PTH2R: variants seen among roughly 807,000 people sequenced by gnomAD.
The protein encoded by PTH2R is parathyroid hormone 2 receptor.
In PTH2R, 59 loss-of-function variants were observed where a neutral mutation model predicts 60.3. That is an observed-to-expected ratio of 0.98 (90% CI 0.79 to 1.22). PTH2R has a LOEUF of 1.22. Ranked by LOEUF, PTH2R falls within the 50% of genes most tolerant of loss-of-function variation. The pLI, the probability that PTH2R is intolerant of heterozygous loss-of-function variation, is 0.00. For synonymous variants in PTH2R, 256 were observed against 243.8 expected (o/e 1.05, Z -0.47); for missense variants, 749 against 682.6 (o/e 1.10, Z -1.08).
At chr2:208,438,559 C>G (rs1702123353) in intron 4 of PTH2R, among the ~76,000 whole-genome samples, 2 of 152,032 alleles carry the variant, frequency 1.3e-5, no homozygotes, top group Admixed American at 1.3e-4. Flanking sequence ...TTGGGATATT[C>G]TAGAGAGTTG....
chr2:208,374,619 C>T (rs1370457065), intron 1 of PTH2R, among the ~76,000 whole-genome samples: 5 of 152,206 alleles, frequency 3.3e-5, no homozygotes, highest in Middle Eastern at 3.4e-3. Context: ...TCTCCTGCCT[C>T]AGCCTCCTGA....
intron 10 of PTH2R, among the ~76,000 whole-genome samples, chr2:208,481,654 C>T (rs1703155894): frequency 6.6e-6 from 1 of 151,928 alleles, no homozygotes; most frequent in South Asian, 2.1e-4. Flanking sequence ...CAAAAGCTAC[C>T]CCTTGTGCTT....
chr2:208,370,356 T>C (rs1700672231), intron 1 of PTH2R, among the ~76,000 whole-genome samples: 1 of 133,984 alleles, frequency 7.5e-6, no homozygotes. Flanking sequence ...GGCAGGAGAA[T>C]GGCGTGAACA....
At chr2:208,419,195 T>A (rs923520048) in intron 1 of PTH2R, among the ~76,000 whole-genome samples, 7 of 152,216 alleles carry the variant, frequency 4.6e-5, no homozygotes, top group African/African-American at 1.7e-4. Context: ...GTTTCCTGAC[T>A]TTTTAATGAT....
intron 1 of PTH2R, among the ~76,000 whole-genome samples, chr2:208,380,732 G>A (rs1223539122): frequency 1.3e-5 from 2 of 152,132 alleles, no homozygotes; most frequent in Non-Finnish European, 2.9e-5. Flanking sequence ...TGTGGAGTGT[G>A]TCTGTCCTTG....
At chr2:208,378,155 G>A (rs6736245) in intron 1 of PTH2R, among the ~76,000 whole-genome samples, 7,176 of 152,026 alleles carry the variant, frequency 0.047, 286 homozygotes, top group African/African-American at 0.1. Flanking sequence ...CGGATCACTC[G>A]CGGTTAGGAG....
chr2:208,370,884 G>C, intron 1 of PTH2R, among the ~76,000 whole-genome samples: 1 of 152,074 alleles, frequency 6.6e-6, no homozygotes, highest in East Asian at 1.9e-4. Flanking sequence ...CATGGCATCA[G>C]TATGTGCTCA....
At chr2:208,388,016 ACTTCACACTTCAGCCGGGCG>A (rs1377379993) in intron 1 of PTH2R, among the ~76,000 whole-genome samples, 3 of 151,806 alleles carry the variant, frequency 2.0e-5, no homozygotes, top group African/African-American at 7.3e-5. Context: ...ATGGCTTAAA[ACTTCACACTTCAGCCGGGCG>A]CGGTGGCTCA....
chr2:208,376,750 T>C (rs1433527987), intron 1 of PTH2R, among the ~76,000 whole-genome samples: 3 of 152,110 alleles, frequency 2.0e-5, no homozygotes, highest in Non-Finnish European at 2.9e-5. Context: ...CTTGGACATA[T>C]TCCTATATGT....
At chr2:208,439,611 AT>A (rs1254999401) in intron 4 of PTH2R, among the ~76,000 whole-genome samples, 2 of 152,000 alleles carry the variant, frequency 1.3e-5, no homozygotes, top group East Asian at 3.9e-4. Flanking sequence ...TTTGAGCACT[AT>A]TTTTTTCTCT....
In PTH2R at chr2:208,372,583, C is replaced by G. The variant is rs552671314; in HGVS notation, c.-259+12346C>G. ...ATTTGTAGTAGCAAAACACTACAAACAAATACCTAATATAATAAGAGGGAG... is the reference window on the plus strand; with the variant it reads ...ATTTGTAGTAGCAAAACACTACAAAGAAATACCTAATATAATAAGAGGGAG... On this transcript the variant is annotated intron_variant, in intron 1 of 12. Transcript: ENST00000617735. Among the ~76,000 whole-genome samples, 10 of 151,966 alleles carry G rather than the reference C, an allele frequency of 6.6e-5. 3 individuals carry two copies. Among genetic ancestry groups the G allele is most frequent in the African/African-American group, 2.4e-4 (10 of 41,360 alleles).
intron 8 of PTH2R, 59 bp downstream of exon 8, chr2:208,450,868 C>T: frequency 6.4e-7 from 1 of 1,560,046 alleles, no homozygotes; most frequent in East Asian, 2.2e-5. Flanking sequence ...CTCAGGCTTC[C>T]TGCTCAGAAT....
intron 1 of PTH2R, among the ~76,000 whole-genome samples, chr2:208,399,776 G>A (rs1332090706): frequency 6.6e-6 from 1 of 152,142 alleles, no homozygotes; most frequent in African/African-American, 2.4e-5. Flanking sequence ...TGAGTCCTAT[G>A]AGTCCTTCTA....
intron 1 of PTH2R, among the ~76,000 whole-genome samples, chr2:208,396,369 C>A (rs1203214845): frequency 6.6e-6 from 1 of 152,108 alleles, no homozygotes; most frequent in Non-Finnish European, 1.5e-5. Context: ...TCAGAGTGAA[C>A]AGGCAACCTA....
chr2:208,396,870 G>A (rs988506481), intron 1 of PTH2R, among the ~76,000 whole-genome samples: 3 of 152,062 alleles, frequency 2.0e-5, no homozygotes, highest in Non-Finnish European at 4.4e-5. Flanking sequence ...TGTTTATTGC[G>A]GCACTATTCA....
rs904761078 is a variant in PTH2R at position 208,472,001 on chromosome 2, C to A, written c.982-9069C>A. Among the ~76,000 whole-genome samples the A allele has an allele frequency of 6.6e-5, 10 of 152,200 alleles. No individual in the cohort carries two copies. The East Asian group carries it at 7.7e-4, about 12-fold the overall frequency. On this transcript the variant is annotated intron_variant, in intron 9 of 12. Coordinates refer to ENST00000272847, the MANE Select transcript of PTH2R (RefSeq NM_005048.4). ...ATTACTTCAGTAGATTTCAGACTTG[C>A]ATGGGCCCTGTAGCCCCTTTGTTTT... is the stretch of plus-strand genomic sequence containing the variant.
chr2:208,399,222 A>T (rs1294867982), intron 1 of PTH2R, among the ~76,000 whole-genome samples: 1 of 152,152 alleles, frequency 6.6e-6, no homozygotes, highest in Non-Finnish European at 1.5e-5. Flanking sequence ...GTAAATACTT[A>T]GTGAGTTTAC....
intron 5 of PTH2R, 36 bp from the exon 6 acceptor site, chr2:208,443,312 T>C: frequency 1.4e-6 from 2 of 1,478,476 alleles, no homozygotes; most frequent in Non-Finnish European, 1.8e-6. Context: ...TTTTTAATTT[T>C]ATCCAAATTT....
At chr2:208,454,175 T>A (rs1298719811) in intron 8 of PTH2R, among the ~76,000 whole-genome samples, 1 of 151,946 alleles carries the variant, frequency 6.6e-6, no homozygotes, top group African/African-American at 2.4e-5. Flanking sequence ...CTTTTTTTTT[T>A]GGTATTATTT....
Sources: gnomAD v4.1 joint callset for allele counts (sites outside exome capture counted in the v4.1 genomes callset) on GRCh38, gnomAD v4.1.1 for gene constraint, MANE v1.5 for transcripts, NCBI Gene and HGNC (gene_info 2026-07-23, HGNC 2026-07-21) for gene names.